Variants in JAZF1 observed in about 807,000 individuals in gnomAD.
JAZF1 encodes the protein juxtaposed with another zinc finger protein 1.
A neutral mutation model predicts 26.4 loss-of-function variants in JAZF1; 8 were observed. The observed-to-expected ratio is 0.30, with a 90% CI of 0.18 to 0.55. The LOEUF is 0.55. JAZF1 is among the 20% of genes least tolerant of loss of function. JAZF1 has a pLI of 0.94. For synonymous variants in JAZF1, 126 were observed against 122.3 expected, an observed-to-expected ratio of 1.03 and a Z score of -0.20; for missense variants, 199 against 322.0, an observed-to-expected ratio of 0.62 and a Z score of 2.92.
chr7:27,839,854 A>G (rs6972821), intron 4 of JAZF1, among the ~76,000 whole-genome samples: 34,013 of 152,106 alleles, frequency 0.22, 4,908 homozygotes, highest in East Asian at 0.51. Flanking sequence ...AAAATAGTCA[A>G]TCTGCTAGCC....
chr7:28,011,858 A>G (rs1782805683), intron 1 of JAZF1, among the ~76,000 whole-genome samples: 1 of 152,090 alleles, frequency 6.6e-6, no homozygotes, highest in Non-Finnish European at 1.5e-5. Context: ...TATTGCCTAG[A>G]TGTGTCTCCC....
intron 1 of JAZF1, among the ~76,000 whole-genome samples, chr7:28,151,649 A>G (rs1307892752): frequency 1.3e-5 from 2 of 151,780 alleles, no homozygotes; most frequent in African/African-American, 4.8e-5. Flanking sequence ...AAAAAAATAC[A>G]AAGTTAGCCG....
intron 1 of JAZF1, among the ~76,000 whole-genome samples, chr7:28,037,780 T>C (rs1328581085): frequency 6.6e-6 from 1 of 152,298 alleles, no homozygotes; most frequent in East Asian, 1.9e-4. Context: ...ATTCAAATCT[T>C]ATTAATGAAT....
At chr7:27,880,582 G>A (rs1387135153) in intron 3 of JAZF1, among the ~76,000 whole-genome samples, 8 of 152,032 alleles carry the variant, frequency 5.3e-5, no homozygotes, top group African/African-American at 4.8e-5. Flanking sequence ...GCAGTGAGCC[G>A]AGATCATGCC....
chr7:27,886,918 C>A (rs1175261231), intron 3 of JAZF1, among the ~76,000 whole-genome samples: 3 of 152,092 alleles, frequency 2.0e-5, no homozygotes, highest in Non-Finnish European at 4.4e-5. Context: ...TACTATGCAG[C>A]CATAAAAAAG....
intron 3 of JAZF1, among the ~76,000 whole-genome samples, chr7:27,892,566 G>C (rs538861313): frequency 6.6e-6 from 1 of 152,106 alleles, no homozygotes; most frequent in Non-Finnish European, 1.5e-5. Flanking sequence ...ACAGCCAATG[G>C]GAAACTGTTC....
intron 2 of JAZF1, among the ~76,000 whole-genome samples, chr7:27,909,368 T>C (rs1010501057): frequency 6.7e-6 from 1 of 150,302 alleles, no homozygotes; most frequent in African/African-American, 2.5e-5. Flanking sequence ...ATGTTGATGA[T>C]GGTGATAATT....
intron 1 of JAZF1, among the ~76,000 whole-genome samples, chr7:28,141,528 C>T (rs1293859953): frequency 6.6e-6 from 1 of 152,086 alleles, no homozygotes; most frequent in Non-Finnish European, 1.5e-5. Flanking sequence ...TATTATGGCC[C>T]TAAGATCAAA....
intron 1 of JAZF1, among the ~76,000 whole-genome samples, chr7:28,096,178 G>A (rs981644727): frequency 2.6e-5 from 4 of 152,364 alleles, no homozygotes; most frequent in African/African-American, 7.2e-5. Context: ...AGAAGTGGGA[G>A]GCAGGGCCTC....
intron 2 of JAZF1, among the ~76,000 whole-genome samples, chr7:27,958,192 T>C (rs1447926896): frequency 6.6e-6 from 1 of 152,218 alleles, no homozygotes; most frequent in Admixed American, 6.5e-5. Flanking sequence ...CTTATCAATT[T>C]TGGATATTTT....
intron 2 of JAZF1, among the ~76,000 whole-genome samples, chr7:27,946,416 A>G (rs991847572): frequency 2.0e-5 from 3 of 152,226 alleles, no homozygotes; most frequent in Non-Finnish European, 2.9e-5. Flanking sequence ...TCTCATATTT[A>G]GCACCAGCTG....
At chr7:27,892,574 T>C (rs214) in intron 3 of JAZF1, among the ~76,000 whole-genome samples, 143,076 of 152,320 alleles carry the variant, frequency 0.94, 67,364 homozygotes, top group East Asian at 1. Context: ...TGGGAAACTG[T>C]TCCCATAATT....
intron 3 of JAZF1, among the ~76,000 whole-genome samples, chr7:27,889,097 C>T (rs1199837202): frequency 6.6e-6 from 1 of 152,190 alleles, no homozygotes; most frequent in Non-Finnish European, 1.5e-5. Flanking sequence ...TGTTTTAAAA[C>T]AGTGGTTTCT....
intron 2 of JAZF1, among the ~76,000 whole-genome samples, chr7:27,945,662 C>A (rs1335421232): frequency 6.6e-6 from 1 of 152,230 alleles, no homozygotes; most frequent in African/African-American, 2.4e-5. Context: ...ATTGCCTGGG[C>A]ACTTGTTAGG....
chr7:27,958,213 C>A (rs909898517), intron 2 of JAZF1, among the ~76,000 whole-genome samples: 1 of 152,110 alleles, frequency 6.6e-6, no homozygotes, highest in African/African-American at 2.4e-5. Context: ...AACATTCATT[C>A]CTGTTCTTAA....
At chr7:27,895,088 G>C (rs1413113752) in intron 3 of JAZF1, 132 bp downstream of exon 3, 1 of 475,962 alleles carries the variant, frequency 2.1e-6, no homozygotes, top group Non-Finnish European at 3.7e-6. Flanking sequence ...ATGTAGACTA[G>C]TGAAAGGATC....
intron 1 of JAZF1, among the ~76,000 whole-genome samples, chr7:28,113,946 G>C (rs534480394): frequency 6.6e-6 from 1 of 152,122 alleles, no homozygotes; most frequent in Non-Finnish European, 1.5e-5. Context: ...GTAAACACAG[G>C]CCCTTTCAGT....
rs78928335 is a variant in JAZF1 at position 27,993,285 on chromosome 7, G to T, written c.116-1304C>A. 4.5e-3 allele frequency among the ~76,000 whole-genome samples: 690 copies of T among 152,254 alleles called. 10 individuals carry two copies. Among genetic ancestry groups the T allele is most frequent in the African/African-American group, 0.016 (666 of 41,528 alleles). ...TCTCTGAATGGCTCCATCAAGTCGG[G>T]TCTGAAGGTTTTGGCACTGCAAATG... On this transcript the variant is annotated intron_variant, in intron 1 of 4. Transcript: ENST00000283928.
chr7:28,060,555 A>T (rs568915137), intron 1 of JAZF1, among the ~76,000 whole-genome samples: 1 of 152,348 alleles, frequency 6.6e-6, no homozygotes, highest in African/African-American at 2.4e-5. Context: ...GCTAGTGTGA[A>T]TTTCAGCTGT....
Sources: gnomAD v4.1 joint callset for allele counts (sites outside exome capture counted in the v4.1 genomes callset) on GRCh38, gnomAD v4.1.1 for gene constraint, MANE v1.5 for transcripts, NCBI Gene and HGNC (gene_info 2026-07-23, HGNC 2026-07-21) for gene names.